COBL: variants seen among roughly 807,000 people sequenced by gnomAD.
COBL encodes protein cordon-bleu.
Under a neutral mutation model 98.8 loss-of-function variants are expected in COBL, and 51 were observed. The ratio of observed to expected loss-of-function variants is 0.52; its 90% CI spans 0.41 to 0.65. The LOEUF is 0.65. Among genes scored for constraint, COBL ranks in the 30% least tolerant of loss-of-function variants. The pLI is 0.00. For synonymous variants in COBL, 634 were observed against 651.7 expected (o/e 0.97, Z 0.41); for missense variants, 1,617 against 1,617.5 (o/e 1.00, Z 0.01).
At chr7:51,151,578 T>G (rs762813180) in intron 5 of COBL, among the ~76,000 whole-genome samples, 42 of 152,210 alleles carry the variant, frequency 2.8e-4, no homozygotes, top group Admixed American at 5.2e-4. Context: ...ATTCAGAGTA[T>G]ATCCTTCATG....
At chr7:51,077,870 T>G (rs1793242947) in intron 7 of COBL, among the ~76,000 whole-genome samples, 2 of 152,152 alleles carry the variant, frequency 1.3e-5, no homozygotes, top group Admixed American at 1.3e-4. Context: ...GGTTCCTTGG[T>G]GACTTTTGAC....
chr7:51,281,848 A>T (rs1799845031), intron 1 of COBL, among the ~76,000 whole-genome samples: 1 of 152,186 alleles, frequency 6.6e-6, no homozygotes, highest in Non-Finnish European at 1.5e-5. Context: ...GGAGGAACAG[A>T]CATGTTAAAC....
At position 51,133,432 on chromosome 7, in the gene COBL, G is replaced by A. The variant is rs180834689; in HGVS notation, c.957+2726C>T. ...GTCAAAATTCAGAGCCAGCAGCTGA[G>A]GGAGGTAGTTTGCTATGAAGGGGTG... On this transcript the variant is annotated intron_variant, in intron 6 of 12. Coordinates refer to ENST00000265136, the MANE Select transcript of COBL (RefSeq NM_015198.5). Among the ~76,000 whole-genome samples the A allele has an allele frequency of 3.4e-3, 525 of 152,336 alleles. 2 individuals carry two copies. Among genetic ancestry groups the A allele is most frequent in the Non-Finnish European group, 6.2e-3 (419 of 68,034 alleles).
intron 1 of COBL, among the ~76,000 whole-genome samples, chr7:51,303,848 G>A (rs1802222439): frequency 6.6e-6 from 1 of 152,132 alleles, no homozygotes; most frequent in Non-Finnish European, 1.5e-5. Flanking sequence ...TTTTAAAGGT[G>A]GTCACCCAAT....
At chr7:51,073,315 G>T (rs891339187) in intron 7 of COBL, 18 of 692,094 alleles carry the variant, frequency 2.6e-5, no homozygotes, top group Non-Finnish European at 4.8e-5. Flanking sequence ...ACTGGGAAAG[G>T]TCCGAGGTCA....
chr7:51,079,847 A>C (rs1411794324), intron 7 of COBL, among the ~76,000 whole-genome samples: 1 of 152,238 alleles, frequency 6.6e-6, no homozygotes, highest in Non-Finnish European at 1.5e-5. Context: ...TCTTGATACA[A>C]ACCATGTATT....
chr7:51,294,223 A>G (rs1345624445), intron 1 of COBL, among the ~76,000 whole-genome samples: 1 of 151,824 alleles, frequency 6.6e-6, no homozygotes, highest in Non-Finnish European at 1.5e-5. Context: ...CCTGGGAGAC[A>G]GAGGCTGCAC....
chr7:51,192,389 C>A (rs1790203214), intron 3 of COBL, among the ~76,000 whole-genome samples: 1 of 152,138 alleles, frequency 6.6e-6, no homozygotes, highest in Non-Finnish European at 1.5e-5. Context: ...GGGTGGATCA[C>A]CTGAGGTCAG....
intron 1 of COBL, among the ~76,000 whole-genome samples, chr7:51,291,333 C>T (rs1255202854): frequency 1.3e-5 from 2 of 152,126 alleles, no homozygotes; most frequent in East Asian, 3.9e-4. Flanking sequence ...GCCAGGAGTC[C>T]TAGCACAAGG....
intron 1 of COBL, among the ~76,000 whole-genome samples, chr7:51,295,994 G>T (rs1801389306): frequency 6.6e-6 from 1 of 152,194 alleles, no homozygotes; most frequent in Admixed American, 6.5e-5. Context: ...TCAGCAAAAT[G>T]ATTTTCTGAG....
At chr7:51,316,430 A>G in intron 1 of COBL, 163 bp downstream of exon 1, 1 of 445,704 alleles carries the variant, frequency 2.2e-6, no homozygotes. Flanking sequence ...ACCACCCAAC[A>G]CCAGCACCCA....
At chr7:51,108,957 C>CACACACACACACACACACACACA (rs869144573) in intron 6 of COBL, among the ~76,000 whole-genome samples, 3 of 83,944 alleles carry the variant, frequency 3.6e-5, no homozygotes, top group Non-Finnish European at 7.2e-5. Context: ...CACACACACA[C>CACACACACACACACACACACACA]CCCCTGCCCC....
chr7:51,227,171 C>T (rs1452663829), intron 1 of COBL, among the ~76,000 whole-genome samples: 1 of 152,166 alleles, frequency 6.6e-6, no homozygotes, highest in Non-Finnish European at 1.5e-5. Context: ...GTGAAGGTTT[C>T]CAGCACACAG....
intron 1 of COBL, among the ~76,000 whole-genome samples, chr7:51,309,361 G>A (rs1360336078): frequency 6.6e-6 from 1 of 152,146 alleles, no homozygotes; most frequent in Non-Finnish European, 1.5e-5. Context: ...CTCTGGGAAC[G>A]CTGCACCCCA....
chr7:51,272,584 A>G (rs1584370170), intron 1 of COBL, among the ~76,000 whole-genome samples: 1 of 152,310 alleles, frequency 6.6e-6, no homozygotes, highest in East Asian at 1.9e-4. Flanking sequence ...GAACATGCAC[A>G]CTCAGGAAAG....
chr7:51,025,312 C>T lies in COBL; in HGVS notation c.3565G>A (p.Gly1189Ser). 4 of 1,612,780 alleles carry T rather than the reference C, an allele frequency of 2.5e-6. No homozygotes were observed. Among genetic ancestry groups the T allele is most frequent in the Non-Finnish European group, 3.4e-6 (4 of 1,179,670 alleles). ...TCTTCTAGCAGAGGACTTTCCGAGCCCTGAGCAGAGAGTGCGGCATCTCGG... is the reference window on the plus strand; with the variant it reads ...TCTTCTAGCAGAGGACTTTCCGAGCTCTGAGCAGAGAGTGCGGCATCTCGG... ...SFRDAALSAQGSESPLLEDLG... is the reference protein window; with the variant it reads ...SFRDAALSAQSSESPLLEDLG... The change falls in exon 12 of 13, where the codon GGC becomes AGC. Residue 1189 changes from glycine (G) to serine (S), a missense_variant. Gly to Ser is a moderately conservative substitution (Grantham distance 56, BLOSUM62 0). Around this residue, in one of 3 missense-constraint regions of COBL, gnomAD observed 1,304 missense variants for 1,282.0 expected, o/e 1.02. Coordinates refer to ENST00000265136, the MANE Select transcript of COBL (RefSeq NM_015198.5).
intron 7 of COBL, among the ~76,000 whole-genome samples, chr7:51,054,242 T>C (rs1012470143): frequency 2.0e-5 from 3 of 152,166 alleles, no homozygotes; most frequent in Non-Finnish European, 4.4e-5. Flanking sequence ...TTCGCTTTTT[T>C]TTTCTTTTCA....
At chr7:51,124,560 C>T (rs1798025362) in intron 6 of COBL, among the ~76,000 whole-genome samples, 1 of 152,154 alleles carries the variant, frequency 6.6e-6, no homozygotes, top group Admixed American at 6.5e-5. Context: ...ACCATACAAA[C>T]TAATGTTGCT....
intron 1 of COBL, among the ~76,000 whole-genome samples, chr7:51,247,915 A>G (rs1312666655): frequency 1.3e-5 from 2 of 152,184 alleles, no homozygotes; most frequent in Non-Finnish European, 2.9e-5. Context: ...GAGGTGGTGG[A>G]TCACTTGAGG....
Sources: allele counts gnomAD v4.1 joint callset (sites outside exome capture counted in the v4.1 genomes callset), GRCh38; gene constraint gnomAD v4.1.1; regional missense constraint gnomAD v4.1.1; transcripts MANE v1.5; gene names NCBI Gene and HGNC (gene_info 2026-07-23, HGNC 2026-07-21).